Variants in SSR1 observed in about 807,000 individuals in gnomAD.
SSR1 encodes translocon-associated protein subunit alpha.
SSR1 carries 13 observed loss-of-function variants against 36.1 expected under a neutral mutation model. That is an observed-to-expected ratio of 0.36 (90% confidence interval 0.23 to 0.57). The LOEUF is 0.57. SSR1 is among the 20% of genes least tolerant of loss of function. The probability of loss-of-function intolerance (pLI) is 0.81; values close to 1 mark genes in which losing one functional copy is unlikely to be tolerated. For synonymous variants in SSR1, 113 were observed against 118.9 expected (o/e 0.95, Z 0.32); for missense variants, 291 against 338.5 (o/e 0.86, Z 1.10).
intron 6 of SSR1, among the ~76,000 whole-genome samples, 178 bp downstream of exon 6, chr6:7,297,741 AAAGT>A (rs1757833906): frequency 6.6e-6 from 1 of 152,148 alleles, no homozygotes; most frequent in Non-Finnish European, 1.5e-5. Context: ...AAAAAAAAAG[AAAGT>A]AAGTTTAAAT....
chr6:7,294,354 A>G (rs1369463922), intron 7 of SSR1, among the ~76,000 whole-genome samples: 1 of 152,224 alleles, frequency 6.6e-6, no homozygotes, highest in African/African-American at 2.4e-5. Flanking sequence ...ATGCTTATAG[A>G]TATATAGAAA....
In SSR1 at chr6:7,301,694, CAATAGAGCACTCCAGTCACCTACT is replaced by C. The variant is rs1757937763; in HGVS notation, c.281-146_281-123del. ...TGGACTTTGGTGTCAGAATCCCTTC[CAATAGAGCACTCCAGTCACCTACT>C]AACGAGAAATTGGTTCAAGTTGCTG... is the stretch of plus-strand genomic sequence containing the variant. On this transcript the variant is annotated intron_variant, in intron 3 of 7. Coordinates refer to ENST00000244763, the MANE Select transcript of SSR1 (RefSeq NM_003144.5). 10 of 992,150 alleles carry C rather than the reference CAATAGAGCACTCCAGTCACCTACT, an allele frequency of 1.0e-5. No individual in the cohort carries two copies. In the South Asian group the frequency reaches 1.7e-4, roughly 17 times the overall value. The allele number at this position is 992,150 out of a possible 1,614,324, so 61.5% of individuals were successfully genotyped here. A position where few individuals can be genotyped will look rare whatever the true frequency, so the allele number is the denominator to read the frequency against.
chr6:7,309,859 G>T, intron 2 of SSR1, 58 bp downstream of exon 2: 2 of 1,332,136 alleles, frequency 1.5e-6, no homozygotes, highest in South Asian at 1.2e-5. Flanking sequence ...AGCAGCATGA[G>T]AACAGATGAA....
chr6:7,306,727 T>A (rs578063278), intron 2 of SSR1, among the ~76,000 whole-genome samples: 34 of 151,422 alleles, frequency 2.2e-4, no homozygotes, highest in Non-Finnish European at 3.2e-4. Flanking sequence ...CCATCCTGGC[T>A]AACATGGTGA....
chr6:7,289,823 G>A lies in SSR1; in HGVS notation c.*41C>T, dbSNP rs375330919. On this transcript the variant is annotated 3_prime_UTR_variant, in exon 8 of 8. Coordinates refer to ENST00000244763, the MANE Select transcript of SSR1 (RefSeq NM_003144.5). The stretch of plus-strand genomic sequence containing the variant: ...TTCCCATCAGGCCGAAAAATATTAG[G>A]GCAGGTTAAGTAAAGACCGAATTGT... The A allele has an allele frequency of 6.5e-7, 1 of 1,547,474 alleles. No homozygotes were observed. Among genetic ancestry groups the A allele is most frequent in the African/African-American group, 1.4e-5 (1 of 70,846 alleles).
intron 3 of SSR1, among the ~76,000 whole-genome samples, chr6:7,302,994 G>A (rs1422685464): frequency 6.6e-6 from 1 of 151,624 alleles, no homozygotes; most frequent in African/African-American, 2.4e-5. Context: ...AAATTAGCCA[G>A]GCGTGGTGGC....
In SSR1 at chr6:7,286,893, C is replaced by T. The variant is rs1317592271; in HGVS notation, c.*2971G>A. ...CACCACTGCACTCCAGCCTGGGTGA[C>T]ACAGAGACTCCGTCTCAGGGGGCAA... On this transcript the variant is annotated 3_prime_UTR_variant, in exon 8 of 8. Transcript: ENST00000244763. 2 of 118,918 alleles carry T rather than the reference C, an allele frequency of 1.7e-5. No homozygotes were observed. Among genetic ancestry groups the T allele is most frequent in the Non-Finnish European group, 3.2e-5 (2 of 62,540 alleles). 7.4% of individuals were successfully genotyped at this position (118,918 alleles called of 1,614,324 possible).
rs1757610054 is a variant in SSR1 at position 7,288,659 on chromosome 6, T to C, written c.*1205A>G. On this transcript the variant is annotated 3_prime_UTR_variant, in exon 8 of 8. Transcript: ENST00000244763. Reference sequence around the variant, plus strand: ...AGACAAGAGGGGGAGAGCCTCTTAATTGTTCATACTATTTTACTTCACCCT... The same window carrying C: ...AGACAAGAGGGGGAGAGCCTCTTAACTGTTCATACTATTTTACTTCACCCT... 1 of 152,588 alleles carries C rather than the reference T, an allele frequency of 6.6e-6. No homozygotes were observed. Among genetic ancestry groups the C allele is most frequent in the Non-Finnish European group, 1.5e-5 (1 of 68,018 alleles). 9.5% of individuals were successfully genotyped at this position (152,588 alleles called of 1,614,324 possible). A position where few individuals can be genotyped will look rare whatever the true frequency, so the allele number is the denominator to read the frequency against.
In SSR1 at chr6:7,285,265, C is replaced by T. The variant is rs1757524048; in HGVS notation, c.*4599G>A. 1 of 152,192 alleles carries T rather than the reference C, an allele frequency of 6.6e-6. No homozygotes were observed. Among genetic ancestry groups the T allele is most frequent in the African/African-American group, 2.4e-5 (1 of 41,434 alleles). 9.4% of individuals were successfully genotyped at this position (152,192 alleles called of 1,614,324 possible). ...AAAGGCACAGTCAAAACATCTTTGACTGCAATTTGGAGACTTTAAACAAGG... is the reference window on the plus strand; with the variant it reads ...AAAGGCACAGTCAAAACATCTTTGATTGCAATTTGGAGACTTTAAACAAGG... On this transcript the variant is annotated 3_prime_UTR_variant, in exon 8 of 8. Coordinates refer to ENST00000244763, the MANE Select transcript of SSR1 (RefSeq NM_003144.5). This position sits in a 1 kb window ranked among gnomAD's most constrained non-coding sequence, Gnocchi z 4.1.
rs1385036768 is a variant in SSR1 at position 7,301,470 on chromosome 6, T to A, written c.383A>T (p.Gln128Leu). The change falls in exon 4 of 8, where the codon CAG becomes CTG. Residue 128 changes from glutamine (Q) to leucine (L), a missense_variant. Transcript: ENST00000244763. Reference protein sequence around the residue: ...ESLDASFRYPQDYQFYIQNFT... With the variant: ...ESLDASFRYPLDYQFYIQNFT... ...ATTCTGGATATAAAACTGGTAGTCCTGAGGATAACGGAATGAGGCATCTAA... is the reference window on the plus strand; with the variant it reads ...ATTCTGGATATAAAACTGGTAGTCCAGAGGATAACGGAATGAGGCATCTAA... 1.9e-6 allele frequency: 3 copies of A among 1,614,154 alleles called. No homozygotes were observed. The South Asian group carries it at 3.3e-5, about 18-fold the overall frequency.
chr6:7,293,333 A>G (rs1186726542), intron 7 of SSR1, among the ~76,000 whole-genome samples: 2 of 151,944 alleles, frequency 1.3e-5, no homozygotes, highest in African/African-American at 4.8e-5. Context: ...GTAGTCTTTT[A>G]TCCCTCACCC....
intron 1 of SSR1, among the ~76,000 whole-genome samples, chr6:7,312,725 G>A (rs1001298723): frequency 2.6e-5 from 4 of 152,238 alleles, no homozygotes; most frequent in African/African-American, 2.4e-5. Context: ...CTGCAGCCGA[G>A]GACCCTCCAG....
chr6:7,303,138 T>TAAAAAAAAAAAAAAAAAA (rs35763826), intron 3 of SSR1, among the ~76,000 whole-genome samples: 1 of 42,918 alleles, frequency 2.3e-5, no homozygotes, highest in African/African-American at 1.1e-4. Context: ...GACTACATCT[T>TAAAAAAAAAAAAAAAAAA]AAAAAAAAAA....
rs1330753628 is a variant in SSR1, at chr6:7,285,701, A to AG, written c.*4162dup. 6.6e-6 allele frequency: 1 copy of AG among 152,234 alleles called. No individual in the cohort carries two copies. Among genetic ancestry groups the AG allele is most frequent in the East Asian group, 1.9e-4 (1 of 5,186 alleles). 9.4% of individuals were successfully genotyped at this position (152,234 alleles called of 1,614,324 possible). A position where few individuals can be genotyped will look rare whatever the true frequency, so the allele number is the denominator to read the frequency against. On this transcript the variant is annotated 3_prime_UTR_variant, in exon 8 of 8. Coordinates refer to ENST00000244763, the MANE Select transcript of SSR1 (RefSeq NM_003144.5). This position sits in a 1 kb window ranked among gnomAD's most constrained non-coding sequence, Gnocchi z 4.1. The stretch of plus-strand genomic sequence containing the variant: ...GTCAAAAAAAAAAAGAAAAAGAAAA[A>AG]GAAAAAAGATAAAAGCAGCTTTACC...
In SSR1 at chr6:7,282,033, G is replaced by A. The variant is rs907508386; in HGVS notation, c.*7831C>T. On this transcript the variant is annotated 3_prime_UTR_variant, in exon 8 of 8. Transcript: ENST00000244763. ...CAACAGAAAAGGAGTGAGGAGCAGG[G>A]TCAAAGAAATGAAGGTGAATTTGGG... 1 of 152,550 alleles carries A rather than the reference G, an allele frequency of 6.6e-6. No homozygotes were observed. The highest frequency in any genetic ancestry group is 2.4e-5 in the African/African-American group (1 of 41,444). 9.4% of individuals were successfully genotyped at this position (152,550 alleles called of 1,614,324 possible).
Position 7,289,847 on chromosome 6 carries a change from G to A in SSR1, c.*17C>T. On this transcript the variant is annotated 3_prime_UTR_variant, in exon 8 of 8. Coordinates refer to ENST00000244763, the MANE Select transcript of SSR1 (RefSeq NM_003144.5). ...GGGCAGGTTAAGTAAAGACCGAATT[G>A]TTGCACAAAGGAACATTTACTCATC... 6.4e-6 allele frequency: 10 copies of A among 1,567,976 alleles called. No individual in the cohort carries two copies. Among genetic ancestry groups the A allele is most frequent in the Non-Finnish European group, 8.6e-6 (10 of 1,163,638 alleles).
chr6:7,301,342 A>T lies in SSR1; in HGVS notation c.511T>A (p.Leu171Met). 1 of 1,614,170 alleles carries T rather than the reference A, an allele frequency of 6.2e-7. No homozygotes were observed. The highest frequency in any genetic ancestry group is 1.1e-5 in the South Asian group (1 of 91,070). ...TCTTTGTAGTTCAGATTGATGACCA[A>T]ACCAAATGGTCGTCCGCCCATGGGC... ...AEPMGGRPFGLVINLNYKDLN... is the reference protein window; with the variant it reads ...AEPMGGRPFGMVINLNYKDLN... Residue 171 changes from leucine (L) to methionine (M), a missense_variant, in exon 4 of 8, where the codon TTG (leucine) becomes ATG (methionine). Coordinates refer to ENST00000244763, the MANE Select transcript of SSR1 (RefSeq NM_003144.5).
intron 5 of SSR1, among the ~76,000 whole-genome samples, chr6:7,298,225 C>T (rs1250036778): frequency 6.6e-6 from 1 of 152,076 alleles, no homozygotes; most frequent in East Asian, 1.9e-4. Flanking sequence ...AATAGAATTA[C>T]AATTTATGCT....
chr6:7,289,853 C>T lies in SSR1; in HGVS notation c.*11G>A. 1 of 1,568,034 alleles carries T rather than the reference C, an allele frequency of 6.4e-7. No homozygotes were observed. Among genetic ancestry groups the T allele is most frequent in the Non-Finnish European group, 8.6e-7 (1 of 1,163,848 alleles). On this transcript the variant is annotated 3_prime_UTR_variant, in exon 8 of 8. Transcript: ENST00000244763. Reference sequence around the variant, plus strand: ...GTTAAGTAAAGACCGAATTGTTGCACAAAGGAACATTTACTCATCAGATCC... The same window carrying T: ...GTTAAGTAAAGACCGAATTGTTGCATAAAGGAACATTTACTCATCAGATCC...
Sources: allele counts gnomAD v4.1 joint callset (sites outside exome capture counted in the v4.1 genomes callset), GRCh38; gene constraint gnomAD v4.1.1; non-coding constraint Gnocchi (gnomAD v3.1); transcripts MANE v1.5; gene names NCBI Gene and HGNC (gene_info 2026-07-23, HGNC 2026-07-21).